Variants in DLX2 observed in about 807,000 individuals in gnomAD.
DLX2 encodes distal-less homeobox 2.
In DLX2, 8 loss-of-function variants were observed where a neutral mutation model predicts 27.4. The ratio of observed to expected loss-of-function variants is 0.29; its 90% CI spans 0.17 to 0.53. The LOEUF (loss-of-function observed/expected upper bound fraction) is 0.53, where lower values mean the gene tolerates loss of function less well. Ranked by LOEUF, DLX2 falls within the 20% of genes least tolerant of loss-of-function variation. DLX2 has a pLI of 0.96. For missense variants in DLX2, 421 were observed against 450.9 expected, an observed-to-expected ratio of 0.93 and a Z score of 0.60; for synonymous variants, 210 against 200.8, an observed-to-expected ratio of 1.05 and a Z score of -0.39.
rs753850067 is a variant in DLX2 at position 172,101,639 on chromosome 2, C to T, written c.408G>A (p.Glu136=). The change falls in exon 2 of 3, where the codon GAG becomes GAA. Residue 136 remains glutamate (E), a synonymous_variant. Transcript: ENST00000234198. The part of the protein sequence containing the change: ...SSPANNEPEK[E]DLEPEIRIVN... Reference sequence around the variant, plus strand: ...CTATCCGAATTTCAGGCTCAAGGTCCTCCTTCTCTGCAACGATAAAGAATC... The same window carrying T: ...CTATCCGAATTTCAGGCTCAAGGTCTTCCTTCTCTGCAACGATAAAGAATC... The T allele has an allele frequency of 5.6e-6, 9 of 1,613,978 alleles. No homozygotes were observed. The African/African-American group carries it at 1.1e-4, about 19-fold the overall frequency.
At chr2:172,101,269 T>G in intron 2 of DLX2, 193 bp downstream of exon 2, 1 of 673,998 alleles carries the variant, frequency 1.5e-6, no homozygotes, top group Non-Finnish European at 2.5e-6. Flanking sequence ...GTCCCTTTCC[T>G]TCCCTCCCAC....
intron 1 of DLX2, 126 bp from the exon 2 acceptor site, chr2:172,101,772 C>A (rs958231183): frequency 2.3e-5 from 25 of 1,088,480 alleles, no homozygotes; most frequent in South Asian, 2.2e-4. Flanking sequence ...TGTGGCGCCA[C>A]GGGCAGGCGC....
chr2:172,102,682 CG>C lies in DLX2; in HGVS notation c.-145del. 1.3e-6 allele frequency: 1 copy of C among 782,564 alleles called. No individual in the cohort carries two copies. The highest frequency in any genetic ancestry group is 2.0e-6 in the Non-Finnish European group (1 of 506,040). The allele number at this position is 782,564 out of a possible 1,614,324, so 48.5% of individuals were successfully genotyped here. A position where few individuals can be genotyped will look rare whatever the true frequency, so the allele number is the denominator to read the frequency against. ...ACAAGAAAGGAGGCAACCGTCTAGG[CG>C]CCTCCTCCTCCGGGGGAGGCGATCA... On this transcript the variant is annotated 5_prime_UTR_variant, in exon 1 of 3. Coordinates refer to ENST00000234198, the MANE Select transcript of DLX2 (RefSeq NM_004405.4).
chr2:172,101,762 T>A, intron 1 of DLX2, 116 bp from the exon 2 acceptor site: 1 of 1,173,634 alleles, frequency 8.5e-7, no homozygotes. Flanking sequence ...TGCACTGAAC[T>A]GTGGCGCCAC....
At position 172,100,380 on chromosome 2, in the gene DLX2, G is replaced by T; in HGVS notation, c.*163C>A. 1 of 689,568 alleles carries T rather than the reference G, an allele frequency of 1.5e-6. No individual in the cohort carries two copies. Among genetic ancestry groups the T allele is most frequent in the Non-Finnish European group, 2.2e-6 (1 of 461,786 alleles). The allele number at this position is 689,568 out of a possible 1,614,324, so 42.7% of individuals were successfully genotyped here. On this transcript the variant is annotated 3_prime_UTR_variant, in exon 3 of 3. Transcript: ENST00000234198. This position sits in a 1 kb window ranked among gnomAD's most constrained non-coding sequence, Gnocchi z 4.5. Reference sequence around the variant, plus strand: ...GTTCCCCCGAGAGAGGGGCCCGTTTGGTGGCCCCGGGAGTGAGCAGGGCCT... The same window carrying T: ...GTTCCCCCGAGAGAGGGGCCCGTTTTGTGGCCCCGGGAGTGAGCAGGGCCT...
At position 172,099,526 on chromosome 2, in the gene DLX2, A is replaced by C. The variant is rs548784844; in HGVS notation, c.*1017T>G. ...TGTTGTTTTCATAATAAATAACCCCAAAATACCTTTCATTTCAACAACAAA... is the reference window on the plus strand; with the variant it reads ...TGTTGTTTTCATAATAAATAACCCCCAAATACCTTTCATTTCAACAACAAA... On this transcript the variant is annotated 3_prime_UTR_variant, in exon 3 of 3. Transcript: ENST00000234198. The C allele has an allele frequency of 6.5e-6, 1 of 152,792 alleles. No homozygotes were observed. The highest frequency in any genetic ancestry group is 1.5e-5 in the Non-Finnish European group (1 of 68,040). 9.5% of individuals were successfully genotyped at this position (152,792 alleles called of 1,614,324 possible).
chr2:172,100,228 A>C lies in DLX2; in HGVS notation c.*315T>G. ...CCCAGCTCTCAGCCCGGGGCGAGGA[A>C]GGCGCCAGACAGGCTCACCCGGAGG... On this transcript the variant is annotated 3_prime_UTR_variant, in exon 3 of 3. Coordinates refer to ENST00000234198, the MANE Select transcript of DLX2 (RefSeq NM_004405.4). This position sits in a 1 kb window ranked among gnomAD's most constrained non-coding sequence, Gnocchi z 4.5. 26 of 278,802 alleles carry C rather than the reference A, an allele frequency of 9.3e-5. No individual in the cohort carries two copies. The highest frequency in any genetic ancestry group is 1.3e-4 in the Non-Finnish European group (19 of 150,372). 17.3% of individuals were successfully genotyped at this position (278,802 alleles called of 1,614,324 possible).
Position 172,100,896 on chromosome 2 carries a change from T to C in DLX2, c.634A>G (p.Lys212Glu), listed in dbSNP as rs1414488611. The C allele has an allele frequency of 1.2e-6, 2 of 1,612,960 alleles. No individual in the cohort carries two copies. The highest frequency in any genetic ancestry group is 1.7e-6 in the Non-Finnish European group (2 of 1,179,864). ...NRRSKFKKMWKSGEIPSEQHP... is the reference protein window; with the variant it reads ...NRRSKFKKMWESGEIPSEQHP... ...TGCTCCGAGGGGATCTCACCACTTTTCCACATCTTCTTGAACTTGGACCGG... is the reference window on the plus strand; with the variant it reads ...TGCTCCGAGGGGATCTCACCACTTTCCCACATCTTCTTGAACTTGGACCGG... Residue 212 changes from lysine to glutamate, a missense_variant, in exon 3 of 3, where the codon AAA (lysine) becomes GAA (glutamate). By Grantham distance (56) the Lys-to-Glu change is moderately conservative (BLOSUM62 1). This residue lies in a region of DLX2 where 185 missense variants were observed against 171.1 expected (regional missense o/e 1.08). Transcript: ENST00000234198. This position sits in a 1 kb window ranked among gnomAD's most constrained non-coding sequence, Gnocchi z 4.5.
Position 172,100,495 on chromosome 2 carries a change from G to A in DLX2, c.*48C>T, listed in dbSNP as rs374840488. 1.1e-5 allele frequency: 16 copies of A among 1,489,914 alleles called. No individual in the cohort carries two copies. The African/African-American group carries it at 1.9e-4, about 18-fold the overall frequency. 92.3% of individuals were successfully genotyped at this position (1,489,914 alleles called of 1,614,324 possible). On this transcript the variant is annotated 3_prime_UTR_variant, in exon 3 of 3. Transcript: ENST00000234198. The surrounding 1 kb of genome is among the most constrained non-coding windows in gnomAD (Gnocchi z 4.5). ...GGAACCCCGGCTCGGGGTAAGCAAT[G>A]AGGATAAGTGGTCTCTGCTCTCAGT...
At position 172,102,112 on chromosome 2, in the gene DLX2, C is replaced by T. The variant is rs1040807827; in HGVS notation, c.400+27G>A. The T allele has an allele frequency of 4.4e-6, 7 of 1,601,266 alleles. No individual in the cohort carries two copies. In the African/African-American group the frequency reaches 8.0e-5, roughly 18 times the overall value. On this transcript the variant is annotated intron_variant, in intron 1 of 2. Transcript: ENST00000234198. ...CATCCCATTAACTAGACCGACTCGGCACTCTTGACTTCAGCGTTATGCATA... is the reference window on the plus strand; with the variant it reads ...CATCCCATTAACTAGACCGACTCGGTACTCTTGACTTCAGCGTTATGCATA...
chr2:172,100,663 G>T lies in DLX2; in HGVS notation c.867C>A (p.Ser289=), dbSNP rs1270082774. The T allele has an allele frequency of 2.7e-5, 42 of 1,562,952 alleles. No homozygotes were observed. Among genetic ancestry groups the T allele is most frequent in the Non-Finnish European group, 2.9e-5 (34 of 1,161,652 alleles). ...GCGCCGTGGCCTGCAGGTGTGAGGC[G>T]GATCCCGAGGTCTGGTGGTACCAGG... ...NYPWYHQTSG[S]ASHLQATAPL... The change falls in exon 3 of 3, where the codon TCC becomes TCA. Residue 289 remains serine, a synonymous_variant. Transcript: ENST00000234198. The surrounding 1 kb of genome is among the most constrained non-coding windows in gnomAD (Gnocchi z 4.5).
At chr2:172,101,241 G>A in intron 2 of DLX2, 1 of 627,180 alleles carries the variant, frequency 1.6e-6, no homozygotes, top group South Asian at 2.0e-5. Context: ...CGAGAGGTAC[G>A]GGATTTCTGT....
intron 1 of DLX2, 122 bp downstream of exon 1, chr2:172,102,017 G>C (rs1691167018): frequency 6.8e-7 from 1 of 1,473,942 alleles, no homozygotes; most frequent in Admixed American, 2.3e-5. Context: ...GGGCACAAGC[G>C]GGCGGTGAGC....
chr2:172,100,371 G>C lies in DLX2; in HGVS notation c.*172C>G. 1.6e-6 allele frequency: 1 copy of C among 635,156 alleles called. No individual in the cohort carries two copies. Among genetic ancestry groups the C allele is most frequent in the Non-Finnish European group, 2.4e-6 (1 of 411,042 alleles). 39.3% of individuals were successfully genotyped at this position (635,156 alleles called of 1,614,324 possible). ...TGCTGTCCGGTTCCCCCGAGAGAGG[G>C]GCCCGTTTGGTGGCCCCGGGAGTGA... On this transcript the variant is annotated 3_prime_UTR_variant, in exon 3 of 3. Coordinates refer to ENST00000234198, the MANE Select transcript of DLX2 (RefSeq NM_004405.4). This position sits in a 1 kb window ranked among gnomAD's most constrained non-coding sequence, Gnocchi z 4.5.
intron 2 of DLX2, 125 bp downstream of exon 2, chr2:172,101,337 G>A (rs1210468543): frequency 1.7e-6 from 2 of 1,149,640 alleles, no homozygotes; most frequent in Non-Finnish European, 1.2e-6. Context: ...GGCCGCTCGA[G>A]GCGCAGGCCT....
At position 172,101,540 on chromosome 2, in the gene DLX2, C is replaced by T. The variant is rs1444899547; in HGVS notation, c.507G>A (p.Arg169=). ...YSSFQLAALQ[R]RFQKTQYLAL... The stretch of plus-strand genomic sequence containing the variant: ...CCAAGTATTGAGTCTTTTGGAAACG[C>T]CGCTGAAGAGCCGCCAGCTGGAAAC... The change falls in exon 2 of 3, where the codon CGG becomes CGA. Residue 169 remains arginine, a synonymous_variant. Coordinates refer to ENST00000234198, the MANE Select transcript of DLX2 (RefSeq NM_004405.4). 1 of 1,613,710 alleles carries T rather than the reference C, an allele frequency of 6.2e-7. No individual in the cohort carries two copies. Among genetic ancestry groups the T allele is most frequent in the East Asian group, 2.2e-5 (1 of 44,870 alleles).
In DLX2 at chr2:172,100,988, T is replaced by C; in HGVS notation, c.586-44A>G. ...GAGCATTAGTGGAGGAACCTAGTCTTGGGGCAGTAGGGGTTCGAAGAGGAG... is the reference window on the plus strand; with the variant it reads ...GAGCATTAGTGGAGGAACCTAGTCTCGGGGCAGTAGGGGTTCGAAGAGGAG... On this transcript the variant is annotated intron_variant, in intron 2 of 2. Coordinates refer to ENST00000234198, the MANE Select transcript of DLX2 (RefSeq NM_004405.4). The surrounding 1 kb of genome is among the most constrained non-coding windows in gnomAD (Gnocchi z 4.5). The C allele has an allele frequency of 6.3e-7, 1 of 1,587,136 alleles. No individual in the cohort carries two copies. Among genetic ancestry groups the C allele is most frequent in the Non-Finnish European group, 8.6e-7 (1 of 1,166,928 alleles).
rs774093022 is a variant in DLX2 at position 172,101,450 on chromosome 2, C to T, written c.585+12G>A. 3 of 1,588,718 alleles carry T rather than the reference C, an allele frequency of 1.9e-6. No homozygotes were observed. Among genetic ancestry groups the T allele is most frequent in the Non-Finnish European group, 2.6e-6 (3 of 1,166,882 alleles). On this transcript the variant is annotated intron_variant, in intron 2 of 2. Coordinates refer to ENST00000234198, the MANE Select transcript of DLX2 (RefSeq NM_004405.4). ...CCGCGCTCTCCTCGCCCCTGCAGGG[C>T]GCGAGCCCCACCTGAGTCTGGGTGA...
rs754265159 is a variant in DLX2 at position 172,100,780 on chromosome 2, C to T, written c.750G>A (p.Ala250=). ...CGCCACTGCCCGGACCACCGCCGCC[C>T]GCCATCCGCTGCGGCACACCAAAGT... The part of the protein sequence containing the change: ...SWDFGVPQRM[A]GGGGPGSGGS... Residue 250 remains alanine (A), a synonymous_variant, in exon 3 of 3, where the codon GCG becomes GCA. Coordinates refer to ENST00000234198, the MANE Select transcript of DLX2 (RefSeq NM_004405.4). This position sits in a 1 kb window ranked among gnomAD's most constrained non-coding sequence, Gnocchi z 4.5. 2 of 1,586,630 alleles carry T rather than the reference C, an allele frequency of 1.3e-6. No homozygotes were observed. The highest frequency in any genetic ancestry group is 1.3e-5 in the African/African-American group (1 of 74,088).
Sources: gnomAD v4.1 joint callset for allele counts on GRCh38, gnomAD v4.1.1 for gene constraint, gnomAD v4.1.1 regional missense constraint, Gnocchi (gnomAD v3.1) non-coding constraint, MANE v1.5 for transcripts, NCBI Gene and HGNC (gene_info 2026-07-23, HGNC 2026-07-21) for gene names.